Variants in VAPB observed in about 807,000 individuals in gnomAD.
VAPB encodes VAMP associated protein B and C, also known as vesicle-associated membrane protein-associated protein B/C.
A neutral mutation model predicts 25.6 loss-of-function variants in VAPB; 7 were observed. The observed-to-expected ratio is 0.27, with a 90% CI of 0.16 to 0.51. The LOEUF is 0.51. Ranked by LOEUF, VAPB falls within the 20% of genes least tolerant of loss-of-function variation. The probability of loss-of-function intolerance (pLI) is 0.97; values close to 1 mark genes in which losing one functional copy is unlikely to be tolerated. For missense variants in VAPB, 266 were observed against 301.3 expected (o/e 0.88, Z 0.87); for synonymous variants, 112 against 109.2 (o/e 1.03, Z -0.16).
At chr20:58,427,248 AAG>A (rs1491326843) in intron 2 of VAPB, among the ~76,000 whole-genome samples, 27 of 151,904 alleles carry the variant, frequency 1.8e-4, no homozygotes, top group African/African-American at 6.3e-4. Context: ...ATGCAGGCGA[AAG>A]TGATCCGTGA....
In VAPB at chr20:58,447,334, T is replaced by C. The variant is rs778295077; in HGVS notation, c.*3099T>C. The C allele has an allele frequency of 1.8e-5, 8 of 454,004 alleles. No individual in the cohort carries two copies. Among genetic ancestry groups the C allele is most frequent in the Non-Finnish European group, 3.1e-5 (7 of 226,800 alleles). The allele number at this position is 454,004 out of a possible 1,614,324, so 28.1% of individuals were successfully genotyped here. On this transcript the variant is annotated 3_prime_UTR_variant, in exon 6 of 6. Coordinates refer to ENST00000475243, the MANE Select transcript of VAPB (RefSeq NM_004738.5). ...GCTTTAACTTTTTTCTCCTCCTAGT[T>C]TGCATGTTTTCCTTCTCTCGTCTTC...
chr20:58,421,084 C>A (rs1381073246), intron 2 of VAPB, among the ~76,000 whole-genome samples: 1 of 152,196 alleles, frequency 6.6e-6, no homozygotes, highest in Non-Finnish European at 1.5e-5. Context: ...CCACTCTCTT[C>A]AAAGATTAGT....
At chr20:58,400,364 G>A (rs1253558439) in intron 1 of VAPB, among the ~76,000 whole-genome samples, 1 of 152,150 alleles carries the variant, frequency 6.6e-6, no homozygotes, top group Non-Finnish European at 1.5e-5. Context: ...ATTTCCCACA[G>A]CACCTACTGG....
intron 2 of VAPB, among the ~76,000 whole-genome samples, chr20:58,419,382 C>T (rs1279608350): frequency 2.0e-5 from 3 of 152,308 alleles, no homozygotes; most frequent in East Asian, 3.9e-4. Flanking sequence ...CCAGCTCTCC[C>T]CCTGTGCTTC....
rs145124727 is a variant in VAPB, at chr20:58,402,007, C to T, written c.58+12490C>T. Among the ~76,000 whole-genome samples the T allele has an allele frequency of 2.4e-3, 363 of 152,292 alleles. 1 individual carries two copies. Among genetic ancestry groups the T allele is most frequent in the Middle Eastern group, 0.01 (3 of 294 alleles). On this transcript the variant is annotated intron_variant, in intron 1 of 5. Transcript: ENST00000475243. ...CAACTGTAATAGCCTCTTAACTGGT[C>T]TTCTTGTCCGAGTCTTCTCTTTCTT...
chr20:58,437,577 C>T (rs1381510683), intron 3 of VAPB, among the ~76,000 whole-genome samples: 1 of 152,200 alleles, frequency 6.6e-6, no homozygotes, highest in Non-Finnish European at 1.5e-5. Context: ...GAATATCCTG[C>T]TCGCCAGCAG....
At chr20:58,443,922 C>T (rs187341241) in intron 5 of VAPB, among the ~76,000 whole-genome samples, 155 bp from the exon 6 acceptor site, 2 of 152,304 alleles carry the variant, frequency 1.3e-5, no homozygotes, top group East Asian at 3.9e-4. Flanking sequence ...GCCCTTTCCC[C>T]TCTGTAGCCT....
chr20:58,408,897 C>A (rs1216707514), intron 1 of VAPB, among the ~76,000 whole-genome samples: 23 of 132,166 alleles, frequency 1.7e-4, no homozygotes, highest in East Asian at 2.5e-4. Flanking sequence ...GACACCCCCC[C>A]CCCCCACCCC....
rs763204702 is a variant in VAPB at position 58,447,309 on chromosome 20, GC to G, written c.*3075del. ...TTTTATTTGTAGGTGTGAGGAACTG[GC>G]TTTAACTTTTTTCTCCTCCTAGTTT... On this transcript the variant is annotated 3_prime_UTR_variant, in exon 6 of 6. Transcript: ENST00000475243. 12 of 453,964 alleles carry G rather than the reference GC, an allele frequency of 2.6e-5. No homozygotes were observed. The highest frequency in any genetic ancestry group is 4.4e-5 in the Non-Finnish European group (10 of 226,798). The allele number at this position is 453,964 out of a possible 1,614,324, so 28.1% of individuals were successfully genotyped here. A position where few individuals can be genotyped will look rare whatever the true frequency, so the allele number is the denominator to read the frequency against.
intron 2 of VAPB, among the ~76,000 whole-genome samples, chr20:58,429,393 A>T (rs994801460): frequency 1.3e-5 from 2 of 152,216 alleles, no homozygotes; most frequent in Admixed American, 6.5e-5. Flanking sequence ...GTGATTGCTT[A>T]CACCCACTGC....
chr20:58,432,852 C>G (rs1159944573), intron 2 of VAPB, among the ~76,000 whole-genome samples: 1 of 152,194 alleles, frequency 6.6e-6, no homozygotes, highest in Admixed American at 6.5e-5. Flanking sequence ...CAGCTCTTGC[C>G]AGCTCAGTGA....
chr20:58,442,888 C>G (rs781766029), intron 5 of VAPB, among the ~76,000 whole-genome samples: 2 of 152,130 alleles, frequency 1.3e-5, no homozygotes, highest in South Asian at 4.2e-4. Context: ...TGGAAGGAAA[C>G]GAAGAAAAGA....
chr20:58,425,898 T>C (rs889198321), intron 2 of VAPB, among the ~76,000 whole-genome samples: 2 of 152,136 alleles, frequency 1.3e-5, no homozygotes, highest in African/African-American at 2.4e-5. Context: ...TATATTTATA[T>C]ATTTATTTAT....
chr20:58,423,443 A>AAAAAAAAAAAAAAAAAAAAC, intron 2 of VAPB, among the ~76,000 whole-genome samples: 1 of 145,782 alleles, frequency 6.9e-6, no homozygotes, highest in Non-Finnish European at 1.5e-5. Context: ...AAAAAAAAAA[A>AAAAAAAAAAAAAAAAAAAAC]AAAAAAGAAA....
At chr20:58,437,184 T>G (rs1989068321) in intron 3 of VAPB, among the ~76,000 whole-genome samples, 1 of 151,888 alleles carries the variant, frequency 6.6e-6, no homozygotes. Flanking sequence ...CAGGCTGGTC[T>G]TGAACTTCTG....
intron 3 of VAPB, among the ~76,000 whole-genome samples, chr20:58,437,770 T>A (rs144569673): frequency 6.6e-6 from 1 of 152,220 alleles, no homozygotes; most frequent in Non-Finnish European, 1.5e-5. Context: ...TTCAGCATCA[T>A]TTGAGTGGCA....
At position 58,448,473 on chromosome 20, in the gene VAPB, G is replaced by T. The variant is rs544865653; in HGVS notation, c.*4238G>T. ...GAACTTAATCCTTGCAACTGTGACT[G>T]GGGGGTAGATGGCTCTGTTTGCATA... On this transcript the variant is annotated 3_prime_UTR_variant, in exon 6 of 6. Transcript: ENST00000475243. 1.5e-5 allele frequency: 7 copies of T among 454,082 alleles called. No individual in the cohort carries two copies. The highest frequency in any genetic ancestry group is 8.0e-5 in the African/African-American group (4 of 50,094). 28.1% of individuals were successfully genotyped at this position (454,082 alleles called of 1,614,324 possible). A position where few individuals can be genotyped will look rare whatever the true frequency, so the allele number is the denominator to read the frequency against.
At chr20:58,421,066 G>A (rs1348545275) in intron 2 of VAPB, among the ~76,000 whole-genome samples, 2 of 152,184 alleles carry the variant, frequency 1.3e-5, no homozygotes, top group Non-Finnish European at 2.9e-5. Context: ...GGCCAAGCTT[G>A]GTTTTACCCA....
chr20:58,393,450 A>G (rs1390736591), intron 1 of VAPB, among the ~76,000 whole-genome samples: 1 of 152,098 alleles, frequency 6.6e-6, no homozygotes, highest in African/African-American at 2.4e-5. Context: ...TTTCCTTGCC[A>G]TCTCCTCACT....
Sources: gnomAD v4.1 joint callset for allele counts (sites outside exome capture counted in the v4.1 genomes callset) on GRCh38, gnomAD v4.1.1 for gene constraint, MANE v1.5 for transcripts, NCBI Gene and HGNC (gene_info 2026-07-23, HGNC 2026-07-21) for gene names.